KLHL4: variants seen among roughly 807,000 people sequenced by gnomAD.
KLHL4 encodes the protein kelch-like protein 4.
KLHL4 carries 17 observed loss-of-function variants against 45.8 expected under a neutral mutation model. The observed-to-expected ratio is 0.37, with a 90% CI of 0.25 to 0.56. KLHL4 has a LOEUF of 0.56. KLHL4 is among the 20% of genes least tolerant of loss of function. The probability of loss-of-function intolerance (pLI) is 0.79; values close to 1 mark genes in which losing one functional copy is unlikely to be tolerated. For synonymous variants in KLHL4, 224 were observed against 189.9 expected (o/e 1.18, Z -1.47); for missense variants, 544 against 544.9 (o/e 1.00, Z 0.02).
intron 1 of KLHL4, among the ~76,000 whole-genome samples, chrX:87,533,669 C>T (rs1157315893): frequency 9.2e-6 from 1 of 108,891 alleles, no homozygotes; most frequent in African/African-American, 3.3e-5. Context: ...CTAACCTGCA[C>T]ATTGTGCACA....
At chrX:87,646,621 G>A (rs1923644724) in intron 9 of KLHL4, among the ~76,000 whole-genome samples, 2 of 111,490 alleles carry the variant, frequency 1.8e-5, no homozygotes, top group South Asian at 3.7e-4. Context: ...CTTTGACAAA[G>A]CAAAGAAAAA....
chrX:87,581,964 T>C (rs761323332), intron 1 of KLHL4, among the ~76,000 whole-genome samples: 10 of 111,851 alleles, frequency 8.9e-5, no homozygotes, highest in Non-Finnish European at 1.7e-4. Context: ...AGAGGTATGA[T>C]AGAACAGTGC....
chrX:87,590,293 A>G (rs755524821), intron 1 of KLHL4, among the ~76,000 whole-genome samples: 1 of 110,177 alleles, frequency 9.1e-6, no homozygotes, highest in South Asian at 3.9e-4. Flanking sequence ...TAAAAAATAA[A>G]ATCAGCCAAA....
chrX:87,630,369 GT>G (rs1335360607), intron 6 of KLHL4, among the ~76,000 whole-genome samples: 10 of 109,193 alleles, frequency 9.2e-5, no homozygotes, highest in Non-Finnish European at 1.5e-4. Context: ...AGCAAATGAG[GT>G]TTTTTTTTAA....
At chrX:87,600,460 G>A (rs1483643023) in intron 1 of KLHL4, among the ~76,000 whole-genome samples, 1 of 99,918 alleles carries the variant, frequency 1.0e-5, no homozygotes, top group South Asian at 5.1e-4. Flanking sequence ...TCCAGCCTGG[G>A]CGACAGAACG....
Position 87,669,472 on chromosome X carries a change from A to T in KLHL4, c.*2938A>T. On this transcript the variant is annotated 3_prime_UTR_variant, in exon 11 of 11. Coordinates refer to ENST00000373119, the MANE Select transcript of KLHL4 (RefSeq NM_019117.5). ...TGGCTGTTGCCCCTTTTTGATATGG[A>T]GGGAACACTGAAAGACAGTTTCCTT... 8.9e-7 allele frequency: 1 copy of T among 1,129,454 alleles called. No homozygotes were observed. Among genetic ancestry groups the T allele is most frequent in the Non-Finnish European group, 1.2e-6 (1 of 843,804 alleles). The allele number at this position is 1,129,454 out of a possible 1,213,427, so 93.1% of individuals were successfully genotyped here.
rs1924385523 is a variant in KLHL4, at chrX:87,666,831, T to G, written c.*297T>G. The G allele has an allele frequency of 2.5e-6, 2 of 796,054 alleles. No homozygotes were observed. The highest frequency in any genetic ancestry group is 3.0e-6 in the Non-Finnish European group (2 of 663,899). The allele number at this position is 796,054 out of a possible 1,213,427, so 65.6% of individuals were successfully genotyped here. A position where few individuals can be genotyped will look rare whatever the true frequency, so the allele number is the denominator to read the frequency against. ...AAAATGCTAAAATATTTAATGAAAATTGATGGTGGCCACAGTGTGCAGGTT... is the reference window on the plus strand; with the variant it reads ...AAAATGCTAAAATATTTAATGAAAAGTGATGGTGGCCACAGTGTGCAGGTT... On this transcript the variant is annotated 3_prime_UTR_variant, in exon 11 of 11. Transcript: ENST00000373119.
intron 9 of KLHL4, among the ~76,000 whole-genome samples, chrX:87,659,685 C>G (rs1458630940): frequency 9.0e-6 from 1 of 111,530 alleles, no homozygotes; most frequent in Non-Finnish European, 1.9e-5. Context: ...TATATTTCTA[C>G]AGGAAGATTA....
Position 87,669,753 on chromosome X carries a change from G to T in KLHL4, c.*3219G>T, listed in dbSNP as rs1924504578. On this transcript the variant is annotated 3_prime_UTR_variant, in exon 11 of 11. Coordinates refer to ENST00000373119, the MANE Select transcript of KLHL4 (RefSeq NM_019117.5). ...TCTTTACATCCTGTCCACACTGCTG[G>T]AGATACTAAGTCCCAACCTAAATGA... is the stretch of plus-strand genomic sequence containing the variant. 1 of 127,194 alleles carries T rather than the reference G, an allele frequency of 7.9e-6. No individual in the cohort carries two copies. Among genetic ancestry groups the T allele is most frequent in the Admixed American group, 8.4e-5 (1 of 11,913 alleles). The allele number at this position is 127,194 out of a possible 1,213,427, so 10.5% of individuals were successfully genotyped here. A position where few individuals can be genotyped will look rare whatever the true frequency, so the allele number is the denominator to read the frequency against.
At chrX:87,550,039 A>T (rs1931777886) in intron 1 of KLHL4, among the ~76,000 whole-genome samples, 1 of 111,579 alleles carries the variant, frequency 9.0e-6, no homozygotes, top group Non-Finnish European at 1.9e-5. Context: ...AATAGAGAAG[A>T]TCCAAATAAA....
chrX:87,614,592 A>G, intron 3 of KLHL4, 22 bp downstream of exon 3: 4 of 1,176,493 alleles, frequency 3.4e-6, no homozygotes, highest in Non-Finnish European at 4.6e-6. Flanking sequence ...ATACACATTA[A>G]CTCATAATGA....
intron 3 of KLHL4, among the ~76,000 whole-genome samples, chrX:87,614,861 A>G (rs1239210089): frequency 9.0e-6 from 1 of 111,062 alleles, no homozygotes. Flanking sequence ...TTTAACACAA[A>G]CATACAGGAA....
At chrX:87,548,098 G>A (rs193273568) in intron 1 of KLHL4, among the ~76,000 whole-genome samples, 3 of 111,278 alleles carry the variant, frequency 2.7e-5, no homozygotes. Flanking sequence ...TATGAAGAAA[G>A]TATCCTAAAA....
chrX:87,664,666 C>A (rs1569365522), intron 9 of KLHL4, 98 bp from the exon 10 acceptor site: 8 of 532,413 alleles, frequency 1.5e-5, no homozygotes, highest in Non-Finnish European at 2.4e-5. Context: ...GTTTTTAATC[C>A]TATGTTTCAG....
intron 1 of KLHL4, among the ~76,000 whole-genome samples, chrX:87,611,169 C>T (rs750241872): frequency 8.9e-6 from 1 of 111,876 alleles, no homozygotes; most frequent in African/African-American, 3.2e-5. Context: ...GAAAATATCA[C>T]AAATGATTTA....
chrX:87,628,454 G>A (rs1432070933), intron 6 of KLHL4, among the ~76,000 whole-genome samples: 2 of 111,801 alleles, frequency 1.8e-5, no homozygotes, highest in Non-Finnish European at 3.8e-5. Flanking sequence ...TAAATGGGCA[G>A]CATTTATCTG....
chrX:87,609,012 G>A (rs1434278247), intron 1 of KLHL4, among the ~76,000 whole-genome samples: 2 of 111,039 alleles, frequency 1.8e-5, no homozygotes, highest in Non-Finnish European at 3.8e-5. Context: ...AACATGTGGT[G>A]TATGGTTTTT....
chrX:87,572,125 G>T (rs1219569144), intron 1 of KLHL4, among the ~76,000 whole-genome samples: 1 of 110,941 alleles, frequency 9.0e-6, no homozygotes, highest in African/African-American at 3.3e-5. Context: ...GAATATTTGT[G>T]GTTCTTGGTA....
intron 1 of KLHL4, among the ~76,000 whole-genome samples, chrX:87,584,326 C>T (rs752360498): frequency 8.0e-4 from 90 of 112,204 alleles, no homozygotes; most frequent in African/African-American, 2.8e-3. Context: ...CCAGCATCAA[C>T]ATCATCCACG....
Sources: gnomAD v4.1 joint callset for allele counts (sites outside exome capture counted in the v4.1 genomes callset) on GRCh38, gnomAD v4.1.1 for gene constraint, MANE v1.5 for transcripts, NCBI Gene and HGNC (gene_info 2026-07-23, HGNC 2026-07-21) for gene names.